Variants in ANKRD26 observed in about 807,000 individuals in gnomAD.
ANKRD26 encodes the protein ankyrin repeat domain 26.
Under a neutral mutation model 208.7 loss-of-function variants are expected in ANKRD26, and 141 were observed. The observed-to-expected ratio is 0.68, with a 90% confidence interval of 0.59 to 0.78. ANKRD26 has a LOEUF of 0.78. Among genes scored for constraint, ANKRD26 ranks in the 30% least tolerant of loss-of-function variants. The pLI, the probability that ANKRD26 is intolerant of heterozygous loss-of-function variation, is 0.00. For missense variants in ANKRD26, 1,889 were observed against 1,938.7 expected (o/e 0.97, Z 0.48); for synonymous variants, 636 against 660.4 (o/e 0.96, Z 0.57).
chr10:27,029,440 T>C (rs1589241658), intron 25 of ANKRD26, 84 bp from the exon 26 acceptor site: 2 of 1,321,956 alleles, frequency 1.5e-6, no homozygotes, highest in South Asian at 1.2e-5. Flanking sequence ...CTAAACCTTA[T>C]CGGAACACAG....
At chr10:27,064,247 C>T (rs1008650350) in intron 11 of ANKRD26, among the ~76,000 whole-genome samples, 166 bp from the exon 12 acceptor site, 1 of 151,422 alleles carries the variant, frequency 6.6e-6, no homozygotes, top group African/African-American at 2.4e-5. Flanking sequence ...CAATAAAGAA[C>T]CTCATATATG....
chr10:27,077,072 T>C (rs2135572721), intron 9 of ANKRD26: 3 of 468,614 alleles, frequency 6.4e-6, no homozygotes, highest in South Asian at 5.1e-5. Flanking sequence ...CCAATATCTC[T>C]GATGAATATA....
At chr10:27,052,486 C>G (rs1447992620) in intron 16 of ANKRD26, among the ~76,000 whole-genome samples, 4 of 152,006 alleles carry the variant, frequency 2.6e-5, no homozygotes, top group Admixed American at 2.0e-4. Context: ...GTAAAGATTT[C>G]TAACTGGAGA....
chr10:26,984,401 C>A (rs2052353710), intron 3 of ANKRD26, among the ~76,000 whole-genome samples: 1 of 152,106 alleles, frequency 6.6e-6, no homozygotes, highest in Non-Finnish European at 1.5e-5. Flanking sequence ...GAGGATGTGC[C>A]TTTTTAAGAT....
At chr10:27,071,602 G>A (rs2055501499) in intron 9 of ANKRD26, among the ~76,000 whole-genome samples, 1 of 151,922 alleles carries the variant, frequency 6.6e-6, no homozygotes, top group Admixed American at 6.5e-5. Flanking sequence ...TAGTGTGTAG[G>A]GATTTGCGCT....
intron 32 of ANKRD26, among the ~76,000 whole-genome samples, chr10:27,011,126 C>T (rs538242447): frequency 2.0e-5 from 3 of 152,170 alleles, no homozygotes; most frequent in Admixed American, 6.5e-5. Flanking sequence ...CTTTTTTTCT[C>T]TGCATTAAGA....
chr10:27,021,401 C>T (rs564102536), intron 29 of ANKRD26, among the ~76,000 whole-genome samples: 2 of 152,288 alleles, frequency 1.3e-5, no homozygotes, highest in South Asian at 4.1e-4. Flanking sequence ...TTTACATTCC[C>T]ACCAACAATG....
At chr10:27,042,071 A>T (rs1449184338) in intron 20 of ANKRD26, among the ~76,000 whole-genome samples, 1 of 152,060 alleles carries the variant, frequency 6.6e-6, no homozygotes, top group East Asian at 1.9e-4. Flanking sequence ...AAAAAAACAA[A>T]CCCAAAAACC....
intron 9 of ANKRD26, among the ~76,000 whole-genome samples, chr10:27,068,608 A>C (rs2055354609): frequency 6.6e-6 from 1 of 152,112 alleles, no homozygotes; most frequent in African/African-American, 2.4e-5. Context: ...AGGAGAAAAA[A>C]CAGAAAAATC....
At chr10:27,005,805 A>G (rs899271706) in intron 33 of ANKRD26, 82 bp from the exon 34 acceptor site, 1 of 1,517,882 alleles carries the variant, frequency 6.6e-7, no homozygotes, top group Admixed American at 2.2e-5. Context: ...AAGAGTTGAG[A>G]ATTTTGTCAG....
intron 11 of ANKRD26, among the ~76,000 whole-genome samples, chr10:27,065,720 G>T (rs2055212536): frequency 7.9e-6 from 1 of 125,848 alleles, no homozygotes. Flanking sequence ...CAAGTTCTAA[G>T]TTGTCAAAAA....
chr10:27,059,145 A>C (rs981062470), intron 15 of ANKRD26, among the ~76,000 whole-genome samples: 3 of 151,966 alleles, frequency 2.0e-5, no homozygotes, highest in Non-Finnish European at 4.4e-5. Context: ...CGATCTCCTG[A>C]CCTCGTGATC....
intron 29 of ANKRD26, among the ~76,000 whole-genome samples, chr10:27,018,190 A>AGTGGTGT (rs2053368061): frequency 7.0e-6 from 1 of 142,844 alleles, no homozygotes; most frequent in Non-Finnish European, 1.5e-5. Flanking sequence ...GCTGGAGTGC[A>AGTGGTGT]GTGGTGTGAT....
chr10:27,049,177 G>A lies in ANKRD26; in HGVS notation c.1636-198C>T, dbSNP rs577784270. Among the ~76,000 whole-genome samples the A allele has an allele frequency of 5.7e-4, 86 of 152,000 alleles. 1 individual carries two copies. Among genetic ancestry groups the A allele is most frequent in the Admixed American group, 2.1e-3 (32 of 15,256 alleles). On this transcript the variant is annotated intron_variant, in intron 16 of 33. Transcript: ENST00000376087. ...CAGCTATTATTATAATTTTATCAAC[G>A]AAATTTTTGTAAAGTCTGCTTCATT... is the stretch of plus-strand genomic sequence containing the variant.
chr10:27,099,628 G>C (rs2056582297), intron 1 of ANKRD26, among the ~76,000 whole-genome samples: 2 of 149,746 alleles, frequency 1.3e-5, no homozygotes, highest in Non-Finnish European at 3.0e-5. Flanking sequence ...CAATCCTCCC[G>C]CCTCAGCCTC....
rs1246163663 is a variant in ANKRD26 at position 26,978,613 on chromosome 10, G to C, written c.*281+1963C>G. The stretch of plus-strand genomic sequence containing the variant: ...AGGTGCATCCTCCCTCCTACTTGCA[G>C]AATCTGAAAATCATGGCCTGTTTCA... On this transcript the variant is annotated intron_variant and NMD_transcript_variant, in intron 5 of 5. Transcript: ENST00000674670. Among the ~76,000 whole-genome samples, 5 of 152,246 alleles carry C rather than the reference G, an allele frequency of 3.3e-5. No individual in the cohort carries two copies. In the East Asian group the frequency reaches 9.6e-4, roughly 29 times the overall value.
rs1202301240 is a variant in ANKRD26 at position 27,093,476 on chromosome 10, T to C, written c.404A>G (p.His135Arg). ...ATCCGCAAGATTTGGATCAGCACCA[T>C]GTTCTAGCAGAATAGTTGCACATTT... ...EEKCATILLE[H>R]GADPNLADVH... The change falls in exon 3 of 34, where the codon CAT (histidine) becomes CGT (arginine). Residue 135 changes from histidine to arginine, a missense_variant. Transcript: ENST00000376087. 2.5e-6 allele frequency: 4 copies of C among 1,614,094 alleles called. No homozygotes were observed. The highest frequency in any genetic ancestry group is 1.3e-5 in the African/African-American group (1 of 74,940).
Position 27,061,193 on chromosome 10 carries a change from C to A in ANKRD26, c.1413G>T (p.Met471Ile), listed in dbSNP as rs775892872. Residue 471 changes from methionine to isoleucine, a missense_variant, in exon 13 of 34, where the codon ATG (methionine) becomes ATT (isoleucine). Physicochemically the swap from Met to Ile is conservative, Grantham distance 10. This residue lies in a region of ANKRD26 where 1,272 missense variants were observed against 1,273.8 expected (regional missense o/e 1.00). Coordinates refer to ENST00000376087, the MANE Select transcript of ANKRD26 (RefSeq NM_014915.3). ...CATTTCTTGTATCCTCTAGTTTAGC[C>A]ATCTTAAAGTTTCTTGATCCACTCA... ...SCMSGSRNFK[M>I]AKLEDTRNVG... 6.2e-7 allele frequency: 1 copy of A among 1,612,584 alleles called. No homozygotes were observed. The highest frequency in any genetic ancestry group is 1.3e-5 in the African/African-American group (1 of 74,858).
At chr10:27,088,413 T>C (rs1055146088) in intron 4 of ANKRD26, 12 of 152,220 alleles carry the variant, frequency 7.9e-5, no homozygotes, top group African/African-American at 1.7e-4. Flanking sequence ...GTATATGTGC[T>C]GCTGAAGCAA....
Sources: gnomAD v4.1 joint callset for allele counts (sites outside exome capture counted in the v4.1 genomes callset) on GRCh38, gnomAD v4.1.1 for gene constraint, gnomAD v4.1.1 regional missense constraint, MANE v1.5 for transcripts, NCBI Gene and HGNC (gene_info 2026-07-23, HGNC 2026-07-21) for gene names.